RBMS3: variants seen among roughly 807,000 people sequenced by gnomAD.
The protein encoded by RBMS3 is RNA binding motif single stranded interacting protein 3.
RBMS3 carries 27 observed loss-of-function variants against 66.8 expected under a neutral mutation model. That is an observed-to-expected ratio of 0.40 (90% CI 0.30 to 0.56). The LOEUF is 0.56. Ranked by LOEUF, RBMS3 falls within the 20% of genes least tolerant of loss-of-function variation. The pLI, the probability that RBMS3 is intolerant of heterozygous loss-of-function variation, is 0.40. For missense variants in RBMS3, 513 were observed against 549.5 expected (o/e 0.93, Z 0.66); for synonymous variants, 188 against 183.0 (o/e 1.03, Z -0.22).
chr3:29,563,927 G>A (rs1288593580), intron 3 of RBMS3, among the ~76,000 whole-genome samples: 1 of 150,838 alleles, frequency 6.6e-6, no homozygotes, highest in African/African-American at 2.4e-5. Context: ...TGAGGTGAGA[G>A]CATCATTTGA....
chr3:29,837,356 G>A (rs2058538501), intron 6 of RBMS3, among the ~76,000 whole-genome samples: 1 of 151,608 alleles, frequency 6.6e-6, no homozygotes, highest in African/African-American at 2.4e-5. Context: ...TGTGTCCTGG[G>A]ATTGATATTT....
intron 1 of RBMS3, among the ~76,000 whole-genome samples, chr3:29,337,785 CCTTACAATA>C (rs2036039679): frequency 6.6e-6 from 1 of 152,066 alleles, no homozygotes; most frequent in South Asian, 2.1e-4. Context: ...TAAAAAACAA[CCTTACAATA>C]CTACTTGTCT....
chr3:29,539,181 G>C (rs941994321), intron 3 of RBMS3, among the ~76,000 whole-genome samples: 2 of 152,078 alleles, frequency 1.3e-5, no homozygotes, highest in African/African-American at 2.4e-5. Context: ...GGCTTCCAAA[G>C]CTAAGCATCT....
At chr3:29,653,181 C>T (rs1044379418) in intron 4 of RBMS3, among the ~76,000 whole-genome samples, 6 of 152,050 alleles carry the variant, frequency 3.9e-5, no homozygotes, top group African/African-American at 1.4e-4. Flanking sequence ...ACAAATTTAG[C>T]ATTTAATTCT....
chr3:29,993,878 T>C lies in RBMS3; in HGVS notation c.1307+2669T>C, dbSNP rs371844727. ...CATGGGACTTCTCAATCTTAATAATTGTGCAAGTCAATTTCTTATTTTAAA... is the reference window on the plus strand; with the variant it reads ...CATGGGACTTCTCAATCTTAATAATCGTGCAAGTCAATTTCTTATTTTAAA... On this transcript the variant is annotated intron_variant, in intron 14 of 14. Transcript: ENST00000383767. 7.2e-5 allele frequency among the ~76,000 whole-genome samples: 11 copies of C among 152,280 alleles called. No individual in the cohort carries two copies. The South Asian group carries it at 1.7e-3, about 23-fold the overall frequency.
intron 7 of RBMS3, among the ~76,000 whole-genome samples, chr3:29,874,844 C>T (rs1188298192): frequency 2.0e-5 from 3 of 152,122 alleles, no homozygotes; most frequent in Admixed American, 6.5e-5. Flanking sequence ...TATTTACTAA[C>T]CTATGATCAC....
intron 7 of RBMS3, among the ~76,000 whole-genome samples, chr3:29,870,121 A>G (rs987036977): frequency 5.3e-4 from 80 of 152,306 alleles, no homozygotes; most frequent in African/African-American, 1.9e-3. Context: ...TCAAAAGCTA[A>G]TAAAAAAGAT....
At chr3:29,469,938 T>C (rs1303473796) in intron 2 of RBMS3, among the ~76,000 whole-genome samples, 1 of 148,064 alleles carries the variant, frequency 6.8e-6, no homozygotes, top group Non-Finnish European at 1.5e-5. Context: ...TATATAAATA[T>C]ATACATACAT....
intron 3 of RBMS3, among the ~76,000 whole-genome samples, chr3:29,517,297 GTGTGTGTGTGTA>G (rs1449659937): frequency 7.3e-6 from 1 of 137,360 alleles, no homozygotes; most frequent in Admixed American, 7.2e-5. Flanking sequence ...GTGTGTGTGT[GTGTGTGTGTGTA>G]TATATATATA....
intron 4 of RBMS3, among the ~76,000 whole-genome samples, chr3:29,590,670 A>G (rs566916450): frequency 6.6e-6 from 1 of 152,084 alleles, no homozygotes; most frequent in Non-Finnish European, 1.5e-5. Context: ...TGGCAACTTC[A>G]GGATATAGAG....
At chr3:29,507,031 G>A (rs2044208103) in intron 3 of RBMS3, among the ~76,000 whole-genome samples, 1 of 146,992 alleles carries the variant, frequency 6.8e-6, no homozygotes, top group Admixed American at 6.9e-5. Flanking sequence ...AAAACTCTTG[G>A]TTTTGTTGAC....
chr3:29,502,142 C>T (rs184059420), intron 3 of RBMS3, among the ~76,000 whole-genome samples: 2 of 152,192 alleles, frequency 1.3e-5, no homozygotes, highest in East Asian at 1.9e-4. Context: ...TTAAAACCAG[C>T]CCGCTTCACT....
chr3:29,625,877 G>T (rs2049045788), intron 4 of RBMS3, among the ~76,000 whole-genome samples: 1 of 152,082 alleles, frequency 6.6e-6, no homozygotes, highest in East Asian at 1.9e-4. Context: ...GTGCTGCCCA[G>T]GGGTTAGGAA....
chr3:29,988,085 A>C (rs1287845065), intron 12 of RBMS3, 58 bp from the exon 13 acceptor site: 2 of 1,380,528 alleles, frequency 1.4e-6, no homozygotes. Flanking sequence ...GGTATTTAAT[A>C]ATTTTCTCAC....
At chr3:29,348,582 A>G (rs1034874469) in intron 1 of RBMS3, among the ~76,000 whole-genome samples, 14 of 152,038 alleles carry the variant, frequency 9.2e-5, no homozygotes, top group African/African-American at 3.1e-4. Flanking sequence ...AAAAAAAAAA[A>G]AAAAATCAAA....
chr3:29,335,574 A>G (rs576781739), intron 1 of RBMS3, among the ~76,000 whole-genome samples: 1 of 152,324 alleles, frequency 6.6e-6, no homozygotes, highest in African/African-American at 2.4e-5. Context: ...CCTGTTACAG[A>G]GTGGCCTGGT....
intron 12 of RBMS3, among the ~76,000 whole-genome samples, chr3:29,946,524 G>A (rs1157432690): frequency 6.6e-6 from 1 of 151,550 alleles, no homozygotes; most frequent in Non-Finnish European, 1.5e-5. Context: ...ATAGACCCCT[G>A]ATTAAAATAT....
intron 3 of RBMS3, among the ~76,000 whole-genome samples, chr3:29,561,466 T>C (rs184300942): frequency 3.6e-4 from 54 of 150,194 alleles, no homozygotes; most frequent in East Asian, 3.3e-3. Context: ...GTTGTTGTTG[T>C]TGCTGAGACG....
At chr3:29,498,866 G>A (rs372223029) in intron 3 of RBMS3, among the ~76,000 whole-genome samples, 3 of 152,268 alleles carry the variant, frequency 2.0e-5, no homozygotes, top group Admixed American at 6.5e-5. Flanking sequence ...TGTAAGAAAT[G>A]TGTGTTTTAT....
Sources: gnomAD v4.1 joint callset for allele counts (sites outside exome capture counted in the v4.1 genomes callset) on GRCh38, gnomAD v4.1.1 for gene constraint, MANE v1.5 for transcripts, NCBI Gene and HGNC (gene_info 2026-07-23, HGNC 2026-07-21) for gene names.